The following PXDNL variants were observed in gnomAD, a reference collection of about 807,000 sequenced individuals.
PXDNL encodes probable oxidoreductase PXDNL.
In PXDNL, 145 loss-of-function variants were observed where a neutral mutation model predicts 150.8. The observed-to-expected ratio is 0.96, with a 90% CI of 0.84 to 1.10. The LOEUF is 1.10. PXDNL is among the 50% of genes least tolerant of loss of function. The pLI, the probability that PXDNL is intolerant of heterozygous loss-of-function variation, is 0.00. For missense variants in PXDNL, 2,087 were observed against 1,873.9 expected (o/e 1.11, Z -2.10); for synonymous variants, 757 against 725.7 (o/e 1.04, Z -0.69).
rs551766970 is a variant in PXDNL at position 51,668,924 on chromosome 8, T to C, written c.165-14164A>G. 5.3e-5 allele frequency among the ~76,000 whole-genome samples: 8 copies of C among 152,282 alleles called. No individual in the cohort carries two copies. In the South Asian group the frequency reaches 1.2e-3, roughly 24 times the overall value. On this transcript the variant is annotated intron_variant, in intron 1 of 22. Transcript: ENST00000356297. Reference sequence around the variant, plus strand: ...TAACCATTTGTTGACAAATGATAGATGGATGGATGGGTGGACAAGTGCATG... The same window carrying C: ...TAACCATTTGTTGACAAATGATAGACGGATGGATGGGTGGACAAGTGCATG...
At chr8:51,580,435 A>G (rs1388237565) in intron 3 of PXDNL, among the ~76,000 whole-genome samples, 1 of 152,200 alleles carries the variant, frequency 6.6e-6, no homozygotes, top group Non-Finnish European at 1.5e-5. Flanking sequence ...ATGAATGAAT[A>G]AGTTAACTGA....
At chr8:51,755,959 A>G (rs2037095563) in intron 1 of PXDNL, among the ~76,000 whole-genome samples, 1 of 152,176 alleles carries the variant, frequency 6.6e-6, no homozygotes, top group African/African-American at 2.4e-5. Context: ...GGTTTTTGCT[A>G]TTGCTTTCAA....
Position 51,411,295 on chromosome 8 carries a change from G to A in PXDNL, c.2017C>T (p.Arg673Trp), listed in dbSNP as rs368339410. Residue 673 changes from arginine (R) to tryptophan (W), a missense_variant, in exon 16 of 23, where the codon CGG becomes TGG. Arg to Trp is a moderately radical substitution (Grantham distance 101). Transcript: ENST00000356297. ...GTGAGCCCCTGCTTCACACGTTCCC[G>A]TATCAGCTGCAGCGTGTGCTCAAAA... ...EIFEHTLQLI[R>W]ERVKQGLTVD... 2.3e-5 allele frequency: 36 copies of A among 1,556,594 alleles called. No individual in the cohort carries two copies. Among genetic ancestry groups the A allele is most frequent in the African/African-American group, 4.2e-5 (3 of 71,860 alleles).
chr8:51,628,084 C>T lies in PXDNL; in HGVS notation c.236+26605G>A, dbSNP rs149618932. ...AGGAAAGTTGAGAAAAGGGTTTCTT[C>T]GGAAAATTAGGATATTCAAAATTGC... is the stretch of plus-strand genomic sequence containing the variant. On this transcript the variant is annotated intron_variant, in intron 2 of 22. Coordinates refer to ENST00000356297, the MANE Select transcript of PXDNL (RefSeq NM_144651.5). Among the ~76,000 whole-genome samples the T allele has an allele frequency of 3.2e-3, 487 of 152,198 alleles. 3 individuals carry two copies. Among genetic ancestry groups the T allele is most frequent in the African/African-American group, 0.011 (451 of 41,536 alleles).
rs562899964 is a variant in PXDNL, at chr8:51,749,540, C to T, written c.164+59641G>A. Among the ~76,000 whole-genome samples, 8 of 152,234 alleles carry T rather than the reference C, an allele frequency of 5.3e-5. No individual in the cohort carries two copies. In the East Asian group the frequency reaches 5.8e-4, roughly 11 times the overall value. On this transcript the variant is annotated intron_variant, in intron 1 of 22. Coordinates refer to ENST00000356297, the MANE Select transcript of PXDNL (RefSeq NM_144651.5). ...ACAGCATAAAAGATTAAAAACGGTC[C>T]GCCTGCATAGGGCACTCACTTTGAA...
At chr8:51,434,130 C>G (rs530898976) in intron 12 of PXDNL, among the ~76,000 whole-genome samples, 2 of 152,234 alleles carry the variant, frequency 1.3e-5, no homozygotes, top group East Asian at 3.9e-4. Flanking sequence ...CTTTACTTAG[C>G]TCCTATCCAT....
At chr8:51,757,011 C>T (rs1232235970) in intron 1 of PXDNL, among the ~76,000 whole-genome samples, 1 of 152,130 alleles carries the variant, frequency 6.6e-6, no homozygotes, top group African/African-American at 2.4e-5. Flanking sequence ...TCAAATAGTA[C>T]TAATTGTTTT....
intron 1 of PXDNL, among the ~76,000 whole-genome samples, chr8:51,790,784 TTA>T (rs200115480): frequency 4.5e-4 from 35 of 77,272 alleles, no homozygotes; most frequent in South Asian, 1.6e-3. Flanking sequence ...TGCCACTCTT[TTA>T]TATATATATA....
intron 4 of PXDNL, among the ~76,000 whole-genome samples, chr8:51,532,015 T>A (rs1235131575): frequency 6.6e-6 from 1 of 152,200 alleles, no homozygotes; most frequent in Non-Finnish European, 1.5e-5. Context: ...TACAACAGCT[T>A]GCAAATCGTT....
At chr8:51,438,011 G>A (rs1225854893) in intron 12 of PXDNL, among the ~76,000 whole-genome samples, 2 of 152,076 alleles carry the variant, frequency 1.3e-5, no homozygotes, top group African/African-American at 2.4e-5. Context: ...GTATATACAG[G>A]AGCAACCAAA....
intron 1 of PXDNL, among the ~76,000 whole-genome samples, chr8:51,789,422 G>C (rs1057210356): frequency 6.6e-6 from 1 of 152,154 alleles, no homozygotes; most frequent in Non-Finnish European, 1.5e-5. Context: ...CAAGTCTTCA[G>C]GGATGAACAA....
intron 10 of PXDNL, among the ~76,000 whole-genome samples, chr8:51,451,363 A>C (rs933482362): frequency 1.5e-4 from 23 of 152,182 alleles, no homozygotes; most frequent in Non-Finnish European, 3.2e-4. Context: ...AGAAATTATG[A>C]ACATCACCAA....
At chr8:51,496,893 C>T (rs1585525737) in intron 5 of PXDNL, among the ~76,000 whole-genome samples, 1 of 152,270 alleles carries the variant, frequency 6.6e-6, no homozygotes, top group East Asian at 1.9e-4. Flanking sequence ...CCATCCCCAT[C>T]AAGCTACCAA....
rs572642373 is a variant in PXDNL at position 51,543,710 on chromosome 8, CAAAAAAAAAAA to C, written c.380+13119_380+13129del. Among the ~76,000 whole-genome samples, 4 of 60,442 alleles carry C rather than the reference CAAAAAAAAAAA, an allele frequency of 6.6e-5. No homozygotes were observed. The East Asian group carries it at 1.9e-3, about 29-fold the overall frequency. 39.7% of individuals were successfully genotyped at this position (60,442 alleles called of 152,430 possible). On this transcript the variant is annotated intron_variant, in intron 4 of 22. Transcript: ENST00000356297. ...CTGGTGACAGAGCGAGACTCCATAT[CAAAAAAAAAAA>C]AAAAAAAAAAGAAAGAAAGAAATAA...
intron 1 of PXDNL, among the ~76,000 whole-genome samples, chr8:51,748,181 A>G (rs2037007015): frequency 6.6e-6 from 1 of 152,334 alleles, no homozygotes; most frequent in South Asian, 2.1e-4. Flanking sequence ...GTGACAAATC[A>G]TAAGACACAC....
At position 51,361,937 on chromosome 8, in the gene PXDNL, CAAAAAAAAAAAAAAAAAAA is replaced by C. The variant is rs57092440; in HGVS notation, c.3901+9917_3901+9935del. 8.6e-5 allele frequency among the ~76,000 whole-genome samples: 5 copies of C among 58,054 alleles called. No homozygotes were observed. In the Admixed American group the frequency reaches 8.7e-4, roughly 10 times the overall value. 38.1% of individuals were successfully genotyped at this position (58,054 alleles called of 152,430 possible). On this transcript the variant is annotated intron_variant, in intron 19 of 22. Coordinates refer to ENST00000356297, the MANE Select transcript of PXDNL (RefSeq NM_144651.5). ...TGGGCAACAGAGTGAGATTCCATCT[CAAAAAAAAAAAAAAAAAAA>C]AAAAAAAAAGAAAAGAAAAGAAAAA...
intron 19 of PXDNL, among the ~76,000 whole-genome samples, chr8:51,355,138 T>C: frequency 6.6e-6 from 1 of 152,158 alleles, no homozygotes; most frequent in East Asian, 1.9e-4. Flanking sequence ...TAAAGCTTTA[T>C]AGGAGTTGCA....
intron 1 of PXDNL, among the ~76,000 whole-genome samples, chr8:51,692,176 C>T (rs938242046): frequency 1.3e-5 from 2 of 152,086 alleles, no homozygotes; most frequent in Non-Finnish European, 1.5e-5. Context: ...TTTCTGTCAA[C>T]GTGTGCTATA....
At chr8:51,390,878 A>G (rs1415951978) in intron 17 of PXDNL, among the ~76,000 whole-genome samples, 2 of 151,942 alleles carry the variant, frequency 1.3e-5, no homozygotes, top group Non-Finnish European at 2.9e-5. Flanking sequence ...TATATGTCCT[A>G]ATGCTATCCC....
Sources: allele counts gnomAD v4.1 joint callset (sites outside exome capture counted in the v4.1 genomes callset), GRCh38; gene constraint gnomAD v4.1.1; transcripts MANE v1.5; gene names NCBI Gene and HGNC (gene_info 2026-07-23, HGNC 2026-07-21).